CCDC57: variants seen among roughly 807,000 people sequenced by gnomAD.
CCDC57 encodes the protein coiled-coil domain containing 57.
CCDC57 carries 118 observed loss-of-function variants against 118.9 expected under a neutral mutation model. The ratio of observed to expected loss-of-function variants is 0.99; its 90% CI spans 0.86 to 1.16. CCDC57 has a LOEUF of 1.16. Ranked by LOEUF, CCDC57 falls within the 50% of genes most tolerant of loss-of-function variation. The pLI is 0.00. For synonymous variants in CCDC57, 527 were observed against 532.9 expected, an observed-to-expected ratio of 0.99 and a Z score of 0.15; for missense variants, 1,300 against 1,320.7, an observed-to-expected ratio of 0.98 and a Z score of 0.24.
chr17:82,160,412 A>C, intron 14 of CCDC57: 1 of 148,890 alleles, frequency 6.7e-6, no homozygotes, highest in Non-Finnish European at 1.5e-5. Context: ...CATACCTGTA[A>C]TCTCAGCACT....
intron 7 of CCDC57, among the ~76,000 whole-genome samples, chr17:82,191,987 C>CT (rs35746149): frequency 4.2e-4 from 58 of 137,814 alleles, no homozygotes; most frequent in South Asian, 7.1e-4. Context: ...TTTTTTATGA[C>CT]TTTTTTTTTT....
chr17:82,143,010 C>T (rs977134240), intron 16 of CCDC57, among the ~76,000 whole-genome samples: 2 of 152,032 alleles, frequency 1.3e-5, no homozygotes, highest in Non-Finnish European at 2.9e-5. Flanking sequence ...ACTAAAAATA[C>T]AAAACTAGCC....
intron 13 of CCDC57, among the ~76,000 whole-genome samples, chr17:82,169,408 C>T (rs577357762): frequency 1.3e-5 from 2 of 152,318 alleles, no homozygotes; most frequent in East Asian, 1.9e-4. Flanking sequence ...GGATTACAGG[C>T]GTGAGCCACT....
At chr17:82,152,917 A>G (rs1024252753) in intron 15 of CCDC57, among the ~76,000 whole-genome samples, 3 of 152,200 alleles carry the variant, frequency 2.0e-5, no homozygotes, top group Non-Finnish European at 4.4e-5. Context: ...GGGATGACAC[A>G]TCGAAGGGGA....
chr17:82,128,441 C>T (rs2037809649), intron 18 of CCDC57, 52 bp downstream of exon 17: 1 of 1,354,948 alleles, frequency 7.4e-7, no homozygotes, highest in Non-Finnish European at 1.0e-6. Context: ...CCCGGCTTCC[C>T]TGCTGGCCAC....
intron 17 of CCDC57, among the ~76,000 whole-genome samples, chr17:82,133,013 C>A (rs1598779513): frequency 6.6e-6 from 1 of 152,094 alleles, no homozygotes; most frequent in African/African-American, 2.4e-5. Flanking sequence ...CCGCCTCGGC[C>A]TCCCAAAGTG....
intron 16 of CCDC57, among the ~76,000 whole-genome samples, chr17:82,148,589 A>G (rs1598913532): frequency 2.3e-5 from 1 of 43,186 alleles, no homozygotes; most frequent in Non-Finnish European, 4.1e-5. Context: ...GGGTGGGTGG[A>G]TGGTAGATGG....
At chr17:82,113,551 G>A (rs2035452950) in intron 19 of CCDC57, 3 of 717,514 alleles carry the variant, frequency 4.2e-6, no homozygotes, top group Non-Finnish European at 7.8e-6. Context: ...ACACTGAGGA[G>A]CTGCCTCCAT....
chr17:82,163,401 A>C, intron 13 of CCDC57, 44 bp from the exon 13 acceptor site: 1 of 1,600,234 alleles, frequency 6.2e-7, no homozygotes, highest in Non-Finnish European at 8.5e-7. Flanking sequence ...CTGAGAACAA[A>C]GGAAGACCTT....
rs2050216271 is a variant in CCDC57 at position 82,212,250 on chromosome 17, A to T, written c.-211+535T>A. ...CAGGCGTGCACCACCACGCCCAATAATTTTTGTATTTTTAGTAGAGAGGGG... is the reference window on the plus strand; with the variant it reads ...CAGGCGTGCACCACCACGCCCAATATTTTTTGTATTTTTAGTAGAGAGGGG... On this transcript the variant is annotated intron_variant, in intron 1 of 19. Coordinates refer to ENST00000665763, the Ensembl canonical transcript of CCDC57. This position sits in a 1 kb window ranked among gnomAD's most constrained non-coding sequence, Gnocchi z 4.1. 6.6e-6 allele frequency among the ~76,000 whole-genome samples: 1 copy of T among 151,622 alleles called. No individual in the cohort carries two copies. The highest frequency in any genetic ancestry group is 1.5e-5 in the Non-Finnish European group (1 of 67,920).
intron 2 of CCDC57, among the ~76,000 whole-genome samples, chr17:82,204,675 T>C (rs1212812345): frequency 1.3e-5 from 2 of 151,882 alleles, no homozygotes; most frequent in African/African-American, 2.4e-5. Context: ...CCCAGCTACT[T>C]GGGAGGCTGA....
intron 16 of CCDC57, among the ~76,000 whole-genome samples, chr17:82,146,333 C>T (rs2040732443): frequency 6.6e-6 from 1 of 152,190 alleles, no homozygotes; most frequent in African/African-American, 2.4e-5. Flanking sequence ...ACCAGTCAGT[C>T]TTGCCTAAAC....
intron 19 of CCDC57, chr17:82,107,620 C>T (rs751515444): frequency 6.4e-6 from 3 of 469,954 alleles, no homozygotes; most frequent in African/African-American, 4.0e-5. Flanking sequence ...ATGAATGGGG[C>T]CCTGTTGTGA....
chr17:82,136,984 T>G (rs2039279563), intron 16 of CCDC57, among the ~76,000 whole-genome samples: 1 of 151,804 alleles, frequency 6.6e-6, no homozygotes, highest in Admixed American at 6.6e-5. Flanking sequence ...TTAGCCCAAT[T>G]TTGATGGGTT....
At chr17:82,185,293 TTC>T (rs2046795170) in intron 8 of CCDC57, 1 of 152,130 alleles carries the variant, frequency 6.6e-6, no homozygotes, top group African/African-American at 2.4e-5. Context: ...CTTTCCAGTC[TTC>T]TCTTTCTTCT....
At chr17:82,137,960 CTGTGCCCAGCCCCAGGAGACCTTTTATAT>C (rs2145495830) in intron 16 of CCDC57, among the ~76,000 whole-genome samples, 1 of 151,878 alleles carries the variant, frequency 6.6e-6, no homozygotes, top group African/African-American at 2.4e-5. Context: ...GTGTGAGCCA[CTGTGCCCAGCCCCAGGAGACCTTTTATAT>C]TTAAAATGAT....
intron 16 of CCDC57, among the ~76,000 whole-genome samples, chr17:82,136,906 A>G (rs1476820445): frequency 2.6e-5 from 4 of 151,630 alleles, no homozygotes; most frequent in Non-Finnish European, 4.4e-5. Context: ...TGTTTTCTCA[A>G]TCCTTACTTG....
chr17:82,159,012 C>T (rs1036389624), intron 14 of CCDC57, among the ~76,000 whole-genome samples: 5 of 152,168 alleles, frequency 3.3e-5, no homozygotes, highest in East Asian at 3.9e-4. Context: ...GGACTACAGA[C>T]GCACCACCAT....
intron 17 of CCDC57, among the ~76,000 whole-genome samples, chr17:82,133,861 AAAC>A (rs1273564761): frequency 2.2e-5 from 1 of 44,798 alleles, no homozygotes; most frequent in Non-Finnish European, 4.3e-5. Context: ...CTGTCTCAAA[AAAC>A]AAACAAACAA....
Sources: allele counts gnomAD v4.1 joint callset (sites outside exome capture counted in the v4.1 genomes callset), GRCh38; gene constraint gnomAD v4.1.1; non-coding constraint Gnocchi (gnomAD v3.1); transcripts MANE v1.5; gene names NCBI Gene and HGNC (gene_info 2026-07-23, HGNC 2026-07-21).